The following LONP2 variants were observed in gnomAD, a reference collection of about 807,000 sequenced individuals.
The protein encoded by LONP2 is lon protease homolog 2, peroxisomal.
A neutral mutation model predicts 85.6 loss-of-function variants in LONP2; 60 were observed. That is an observed-to-expected ratio of 0.70 (90% confidence interval 0.57 to 0.87). LONP2 has a LOEUF of 0.87. LONP2 is among the 40% of genes least tolerant of loss of function. The probability of loss-of-function intolerance (pLI) is 0.00; values close to 1 mark genes in which losing one functional copy is unlikely to be tolerated. For synonymous variants in LONP2, 395 were observed against 389.7 expected (o/e 1.01, Z -0.16); for missense variants, 860 against 1,063.5 (o/e 0.81, Z 2.66).
At chr16:48,349,085 G>T (rs975152257) in intron 14 of LONP2, among the ~76,000 whole-genome samples, 4 of 152,024 alleles carry the variant, frequency 2.6e-5, no homozygotes, top group Non-Finnish European at 4.4e-5. Context: ...TTCTATACAT[G>T]TGGGGTCTTG....
intron 8 of LONP2, among the ~76,000 whole-genome samples, chr16:48,293,393 A>G (rs935288592): frequency 2.6e-5 from 4 of 152,036 alleles, no homozygotes; most frequent in Admixed American, 2.0e-4. Flanking sequence ...GCGCCACTGC[A>G]CTCTAGCCTG....
At chr16:48,307,148 A>G (rs1179077976) in intron 11 of LONP2, among the ~76,000 whole-genome samples, 2 of 152,218 alleles carry the variant, frequency 1.3e-5, no homozygotes, top group African/African-American at 4.8e-5. Context: ...GGAGTTTAAA[A>G]AGCAGGTGAG....
chr16:48,298,901 TC>T (rs1972737239), intron 9 of LONP2, among the ~76,000 whole-genome samples: 1 of 151,906 alleles, frequency 6.6e-6, no homozygotes. Flanking sequence ...AATTTCTTTT[TC>T]TTTTTTTTTT....
intron 8 of LONP2, among the ~76,000 whole-genome samples, chr16:48,286,725 G>C (rs1052715072): frequency 6.6e-6 from 1 of 151,892 alleles, no homozygotes; most frequent in African/African-American, 2.4e-5. Flanking sequence ...TCGAACTCCT[G>C]AGCTCAAGCA....
chr16:48,250,576 T>C (rs147258209), intron 1 of LONP2, among the ~76,000 whole-genome samples: 1 of 152,224 alleles, frequency 6.6e-6, no homozygotes, highest in Admixed American at 6.5e-5. Context: ...GATCGGAGAT[T>C]TGGATTTGTC....
At chr16:48,340,626 T>C (rs958319188) in intron 12 of LONP2, among the ~76,000 whole-genome samples, 1 of 152,162 alleles carries the variant, frequency 6.6e-6, no homozygotes. Context: ...CCTAAACAGA[T>C]TGAAAAATGA....
intron 12 of LONP2, among the ~76,000 whole-genome samples, chr16:48,339,819 G>C (rs149872377): frequency 7.9e-5 from 12 of 152,214 alleles, no homozygotes; most frequent in Non-Finnish European, 1.6e-4. Context: ...CTGCACAAGA[G>C]AGGAGTGAAG....
intron 6 of LONP2, among the ~76,000 whole-genome samples, chr16:48,268,082 A>G (rs1201097986): frequency 6.6e-6 from 1 of 152,228 alleles, no homozygotes; most frequent in Admixed American, 6.5e-5. Flanking sequence ...CTAATTATAA[A>G]TAAGGAAATT....
chr16:48,347,226 G>A (rs377256614), intron 12 of LONP2, among the ~76,000 whole-genome samples: 160 of 152,308 alleles, frequency 1.1e-3, no homozygotes, highest in African/African-American at 3.6e-3. Context: ...GAAAACTAGG[G>A]CATGTGTAGC....
intron 11 of LONP2, among the ~76,000 whole-genome samples, chr16:48,323,698 A>G (rs1196196577): frequency 6.6e-6 from 1 of 152,002 alleles, no homozygotes; most frequent in Admixed American, 6.6e-5. Context: ...AATACCTCAC[A>G]GTCATAACTT....
In LONP2 at chr16:48,352,030, T is replaced by C; in HGVS notation, c.*228T>C. On this transcript the variant is annotated 3_prime_UTR_variant, in exon 15 of 15. Coordinates refer to ENST00000285737, the MANE Select transcript of LONP2 (RefSeq NM_031490.5). ...CTTGTCTTTTTAGTGGGATCCTTAC[T>C]GTCCCTGGAAAGATATAGCATAGTG... 1.8e-6 allele frequency: 1 copy of C among 551,484 alleles called. No homozygotes were observed. Among genetic ancestry groups the C allele is most frequent in the Non-Finnish European group, 3.2e-6 (1 of 310,010 alleles). The allele number at this position is 551,484 out of a possible 1,614,324, so 34.2% of individuals were successfully genotyped here. A position where few individuals can be genotyped will look rare whatever the true frequency, so the allele number is the denominator to read the frequency against.
At position 48,258,244 on chromosome 16, in the gene LONP2, G is replaced by A. The variant is rs563907059; in HGVS notation, c.601-374G>A. ...TGCCTGTAGTCCCAGTTACTCTGGA[G>A]GCTGAGGCAGGAGAATGACGTGAAC... On this transcript the variant is annotated intron_variant, in intron 3 of 14. Transcript: ENST00000285737. 1.1e-4 allele frequency among the ~76,000 whole-genome samples: 16 copies of A among 152,052 alleles called. No individual in the cohort carries two copies. In the East Asian group the frequency reaches 2.9e-3, roughly 28 times the overall value.
rs570423919 is a variant in LONP2 at position 48,351,999 on chromosome 16, C to T, written c.*197C>T. On this transcript the variant is annotated 3_prime_UTR_variant, in exon 15 of 15. Transcript: ENST00000285737. ...GTTGATTTAGTAAACTGATAAAAAT[C>T]GAATTCTTGTCTTTTTAGTGGGATC... The T allele has an allele frequency of 5.8e-4, 341 of 588,330 alleles. No homozygotes were observed. Among genetic ancestry groups the T allele is most frequent in the African/African-American group, 5.3e-3 (287 of 53,746 alleles). The allele number at this position is 588,330 out of a possible 1,614,324, so 36.4% of individuals were successfully genotyped here.
rs1466391159 is a variant in LONP2, at chr16:48,244,626, G to A, written c.233+5G>A. The A allele has an allele frequency of 8.8e-6, 12 of 1,367,272 alleles. No individual in the cohort carries two copies. The East Asian group carries it at 3.7e-4, about 42-fold the overall frequency. 84.7% of individuals were successfully genotyped at this position (1,367,272 alleles called of 1,614,324 possible). On this transcript the variant is annotated splice_donor_5th_base_variant and intron_variant, in intron 1 of 14. Coordinates refer to ENST00000285737, the MANE Select transcript of LONP2 (RefSeq NM_031490.5). ...GGACCTGCCGCCGCTGCACAGGTAGGCCTGGCTGCCCCCGCGGCGGCGGCG... is the reference window on the plus strand; with the variant it reads ...GGACCTGCCGCCGCTGCACAGGTAGACCTGGCTGCCCCCGCGGCGGCGGCG...
chr16:48,299,788 GGTTA>G lies in LONP2; in HGVS notation c.1661+6_1661+9del. The G allele has an allele frequency of 6.2e-7, 1 of 1,607,808 alleles. No homozygotes were observed. On this transcript the variant is annotated splice_donor_variant and splice_donor_region_variant and intron_variant, in intron 10 of 14. Coordinates refer to ENST00000285737, the MANE Select transcript of LONP2 (RefSeq NM_031490.5). LOFTEE classifies it high-confidence loss of function. ...GTCACCACTCTTGACATCATCACCAGGTTAGTTAGCCATCCTGAGGCTTCATTAA... is the reference window on the plus strand; with the variant it reads ...GTCACCACTCTTGACATCATCACCAGGTTAGCCATCCTGAGGCTTCATTAA...
In LONP2 at chr16:48,355,733, C is replaced by T. The variant is rs1401761358; in HGVS notation, c.*3931C>T. The T allele has an allele frequency of 6.6e-6, 1 of 152,140 alleles. No homozygotes were observed. Among genetic ancestry groups the T allele is most frequent in the East Asian group, 1.9e-4 (1 of 5,200 alleles). 9.4% of individuals were successfully genotyped at this position (152,140 alleles called of 1,614,324 possible). On this transcript the variant is annotated 3_prime_UTR_variant, in exon 15 of 15. Coordinates refer to ENST00000285737, the MANE Select transcript of LONP2 (RefSeq NM_031490.5). ...TGTGACGTATTTTGATTCTATGTCC[C>T]TAATGACTAGTGATGTTGAGCATTT...
rs749576452 is a variant in LONP2, at chr16:48,252,293, G to A, written c.396G>A (p.Glu132=). The change falls in exon 2 of 15, where the codon GAG becomes GAA. Residue 132 remains glutamate, a synonymous_variant. Coordinates refer to ENST00000285737, the MANE Select transcript of LONP2 (RefSeq NM_031490.5). ...AEVEQLDRLE[E]FPNTCKMREE... Reference sequence around the variant, plus strand: ...TGGAGCAGTTGGACCGACTTGAGGAGTTTCCCAACACCTGTAAAATGAGGG... The same window carrying A: ...TGGAGCAGTTGGACCGACTTGAGGAATTTCCCAACACCTGTAAAATGAGGG... The A allele has an allele frequency of 1.4e-5, 23 of 1,613,838 alleles. No homozygotes were observed. Among genetic ancestry groups the A allele is most frequent in the Non-Finnish European group, 1.8e-5 (21 of 1,179,896 alleles).
chr16:48,266,904 AAC>A (rs1347621034), intron 6 of LONP2, among the ~76,000 whole-genome samples: 6 of 152,122 alleles, frequency 3.9e-5, no homozygotes, highest in African/African-American at 1.4e-4. Flanking sequence ...CAGCATGAGT[AAC>A]ACAGGAAGAC....
downstream of LONP2, chr16:48,360,724 GAAAC>G (rs1423615047): frequency 6.6e-6 from 1 of 152,562 alleles, no homozygotes; most frequent in Non-Finnish European, 1.5e-5. Context: ...TCTGAAAAAG[GAAAC>G]AAAAGCCTGA....
Sources: allele counts gnomAD v4.1 joint callset (sites outside exome capture counted in the v4.1 genomes callset), GRCh38; gene constraint gnomAD v4.1.1; transcripts MANE v1.5; gene names NCBI Gene and HGNC (gene_info 2026-07-23, HGNC 2026-07-21).